The following ONECUT2 variants were observed in gnomAD, a reference collection of about 807,000 sequenced individuals.
The protein encoded by ONECUT2 is one cut homeobox 2, also known as one cut domain family member 2.
Under a neutral mutation model 27.9 loss-of-function variants are expected in ONECUT2, and 10 were observed. The observed-to-expected ratio is 0.36, with a 90% CI of 0.22 to 0.61. The LOEUF (loss-of-function observed/expected upper bound fraction) is 0.61, where lower values mean the gene tolerates loss of function less well. Among genes scored for constraint, ONECUT2 ranks in the 20% least tolerant of loss-of-function variants. The pLI is 0.73. For missense variants in ONECUT2, 686 were observed against 721.0 expected (o/e 0.95, Z 0.56); for synonymous variants, 334 against 315.1 (o/e 1.06, Z -0.64).
Position 57,436,292 on chromosome 18 carries a change from C to T in ONECUT2, c.576C>T (p.Ser192=), listed in dbSNP as rs760855216. 1 of 1,604,182 alleles carries T rather than the reference C, an allele frequency of 6.2e-7. No homozygotes were observed. Among genetic ancestry groups the T allele is most frequent in the South Asian group, 1.1e-5 (1 of 90,946 alleles). The change falls in exon 1 of 2, where the codon AGC becomes AGT. Residue 192 remains serine, a synonymous_variant. Coordinates refer to ENST00000491143, the MANE Select transcript of ONECUT2 (RefSeq NM_004852.3). This position sits in a 1 kb window ranked among gnomAD's most constrained non-coding sequence, Gnocchi z 5.9. The stretch of plus-strand genomic sequence containing the variant: ...ACCAGCGCCTGTCCGGCAACGTCAG[C>T]GGCAGCTTCACCCTCATGCGCGACG... ...HHHQRLSGNV[S]GSFTLMRDER...
At chr18:57,475,000 C>G (rs939474965) in intron 1 of ONECUT2, among the ~76,000 whole-genome samples, 2 of 151,518 alleles carry the variant, frequency 1.3e-5, no homozygotes, top group African/African-American at 2.4e-5. Flanking sequence ...CCAGTTTTTC[C>G]TGTTGAGGCC....
chr18:57,478,364 A>G lies in ONECUT2; in HGVS notation c.*1641A>G, dbSNP rs2050397173. The G allele has an allele frequency of 6.6e-6, 1 of 152,658 alleles. No homozygotes were observed. The highest frequency in any genetic ancestry group is 2.4e-5 in the African/African-American group (1 of 41,466). 9.5% of individuals were successfully genotyped at this position (152,658 alleles called of 1,614,324 possible). ...CAATCATTCTTTACAGACACTTGAG[A>G]CTGACTTTTTTATGAATTACTTAGT... is the stretch of plus-strand genomic sequence containing the variant. On this transcript the variant is annotated 3_prime_UTR_variant, in exon 2 of 2. Transcript: ENST00000491143.
At position 57,479,623 on chromosome 18, in the gene ONECUT2, A is replaced by G. The variant is rs2050405016; in HGVS notation, c.*2900A>G. ...TGGATCCATGGTGTACATGAGTTTT[A>G]TTTGTATTCGGAGTCATCTCTATTC... On this transcript the variant is annotated 3_prime_UTR_variant, in exon 2 of 2. Coordinates refer to ENST00000491143, the MANE Select transcript of ONECUT2 (RefSeq NM_004852.3). 1.3e-5 allele frequency: 2 copies of G among 152,616 alleles called. No homozygotes were observed. The highest frequency in any genetic ancestry group is 1.3e-4 in the Admixed American group (2 of 15,276). The allele number at this position is 152,616 out of a possible 1,614,324, so 9.5% of individuals were successfully genotyped here.
chr18:57,435,860 CG>C lies in ONECUT2; in HGVS notation c.149del (p.Gly50AlafsTer82). On this transcript the variant is annotated frameshift_variant, in exon 1 of 2. Transcript: ENST00000491143. LOFTEE classifies it high-confidence loss of function. Reference protein sequence around the residue: ...GSGGGGGGGGGGGGGGPGHEQ... With the variant: ...GSGGGGGGGGXGGGGGPGHEQ... Reference sequence around the variant, plus strand: ...GTGGCGGGGGCGGCGGCGGGGGCGGCGGGGGCGGCGGCGGGGGCCCGGGCCA... The same window carrying C: ...GTGGCGGGGGCGGCGGCGGGGGCGGCGGGGCGGCGGCGGGGGCCCGGGCCA... The C allele has an allele frequency of 2.0e-6, 1 of 500,238 alleles. No homozygotes were observed. 31.0% of individuals were successfully genotyped at this position (500,238 alleles called of 1,614,324 possible). A position where few individuals can be genotyped will look rare whatever the true frequency, so the allele number is the denominator to read the frequency against.
rs57813514 is a variant in ONECUT2 at position 57,472,728 on chromosome 18, A to G, written c.1229-3709A>G. On this transcript the variant is annotated intron_variant, in intron 1 of 1. Coordinates refer to ENST00000491143, the MANE Select transcript of ONECUT2 (RefSeq NM_004852.3). ...TATATATATATATAATTTTAAATAT[A>G]TGTATCTCACACAAAATATAATCCG... Among the ~76,000 whole-genome samples, 711 of 152,260 alleles carry G rather than the reference A, an allele frequency of 4.7e-3. 7 individuals are homozygous for G. Among genetic ancestry groups the G allele is most frequent in the African/African-American group, 0.016 (677 of 41,550 alleles).
At chr18:57,439,587 G>A (rs571751236) in intron 1 of ONECUT2, among the ~76,000 whole-genome samples, 1 of 152,238 alleles carries the variant, frequency 6.6e-6, no homozygotes, top group Non-Finnish European at 1.5e-5. Context: ...TGGTAAGTAG[G>A]TATTATGTGC....
At chr18:57,445,264 A>G (rs1294669463) in intron 1 of ONECUT2, among the ~76,000 whole-genome samples, 1 of 152,218 alleles carries the variant, frequency 6.6e-6, no homozygotes, top group Non-Finnish European at 1.5e-5. Context: ...CACTGAAGTC[A>G]CTTGAAAAGA....
intron 1 of ONECUT2, among the ~76,000 whole-genome samples, chr18:57,473,499 G>A (rs986217658): frequency 7.9e-5 from 12 of 152,110 alleles, no homozygotes; most frequent in East Asian, 3.9e-4. Context: ...AAGAGGCTAC[G>A]TAATTTGCAA....
rs771463396 is a variant in ONECUT2 at position 57,476,561 on chromosome 18, G to A, written c.1353G>A (p.Pro451=). The change falls in exon 2 of 2, where the codon CCG becomes CCA. Residue 451 remains proline (P), a synonymous_variant. Transcript: ENST00000491143. ...CCATCTTCAAGGAGAACAAACGCCC[G>A]TCAAAGGAGATGCAGATCACCATTT... ...LFAIFKENKR[P]SKEMQITISQ... 57 of 1,614,080 alleles carry A rather than the reference G, an allele frequency of 3.5e-5. No homozygotes were observed. Among genetic ancestry groups the A allele is most frequent in the East Asian group, 4.5e-5 (2 of 44,892 alleles).
At chr18:57,467,486 C>G (rs1289242644) in intron 1 of ONECUT2, among the ~76,000 whole-genome samples, 3 of 152,182 alleles carry the variant, frequency 2.0e-5, no homozygotes, top group Admixed American at 2.0e-4. Context: ...CTGCCTCGGC[C>G]TCCCGAGTAT....
intron 1 of ONECUT2, among the ~76,000 whole-genome samples, chr18:57,473,116 C>T (rs952647554): frequency 6.6e-6 from 1 of 152,176 alleles, no homozygotes; most frequent in Non-Finnish European, 1.5e-5. Context: ...AGCACAGATT[C>T]CAGAACCTTG....
intron 1 of ONECUT2, among the ~76,000 whole-genome samples, chr18:57,464,794 T>C (rs1283213391): frequency 6.6e-6 from 1 of 152,240 alleles, no homozygotes; most frequent in African/African-American, 2.4e-5. Context: ...TGGAAGGAGC[T>C]CAGGGATATT....
chr18:57,441,950 T>C (rs1460880457), intron 1 of ONECUT2, among the ~76,000 whole-genome samples: 1 of 152,182 alleles, frequency 6.6e-6, no homozygotes, highest in African/African-American at 2.4e-5. Flanking sequence ...AGAAGCAAAC[T>C]GGGGAACCCC....
At chr18:57,454,666 T>A (rs1378854061) in intron 1 of ONECUT2, among the ~76,000 whole-genome samples, 1 of 152,154 alleles carries the variant, frequency 6.6e-6, no homozygotes, top group Non-Finnish European at 1.5e-5. Flanking sequence ...ACATAAATTT[T>A]TTGTCATTTT....
chr18:57,447,230 T>C (rs142165966), intron 1 of ONECUT2, among the ~76,000 whole-genome samples: 27 of 152,330 alleles, frequency 1.8e-4, no homozygotes, highest in African/African-American at 6.5e-4. Flanking sequence ...GAGCCCCTGG[T>C]AGCAGAGCGC....
intron 1 of ONECUT2, 111 bp from the exon 2 acceptor site, chr18:57,476,326 C>T: frequency 1.3e-5 from 15 of 1,156,116 alleles, no homozygotes; most frequent in Non-Finnish European, 1.8e-5. Flanking sequence ...GCAGTTTGCA[C>T]AATAAAGTTT....
chr18:57,446,724 C>G (rs78334430), intron 1 of ONECUT2, among the ~76,000 whole-genome samples: 1 of 152,190 alleles, frequency 6.6e-6, no homozygotes, highest in South Asian at 2.1e-4. Flanking sequence ...TAACCTCTGC[C>G]TCTTCTAATT....
At chr18:57,453,658 T>C (rs116113912) in intron 1 of ONECUT2, among the ~76,000 whole-genome samples, 1 of 5,680 alleles carries the variant, frequency 1.8e-4, no homozygotes, top group Admixed American at 2.2e-3. Flanking sequence ...ACTAAATTCA[T>C]AACTTCTTTC....
intron 1 of ONECUT2, among the ~76,000 whole-genome samples, chr18:57,470,318 AG>A (rs2050346381): frequency 6.6e-6 from 1 of 152,162 alleles, no homozygotes. Flanking sequence ...CTTACTTCAC[AG>A]GCTTCCCAGA....
Sources: allele counts gnomAD v4.1 joint callset (sites outside exome capture counted in the v4.1 genomes callset), GRCh38; gene constraint gnomAD v4.1.1; non-coding constraint Gnocchi (gnomAD v3.1); transcripts MANE v1.5; gene names NCBI Gene and HGNC (gene_info 2026-07-23, HGNC 2026-07-21).